Variants in UTRN observed in about 807,000 individuals in gnomAD.
The protein encoded by UTRN is dystrophin-related protein 1.
A neutral mutation model predicts 463.9 loss-of-function variants in UTRN; 283 were observed. That is an observed-to-expected ratio of 0.61 (90% confidence interval 0.55 to 0.67). The LOEUF is 0.67. Ranked by LOEUF, UTRN falls within the 30% of genes least tolerant of loss-of-function variation. The pLI, the probability that UTRN is intolerant of heterozygous loss-of-function variation, is 0.00. For synonymous variants in UTRN, 1,442 were observed against 1,431.5 expected (o/e 1.01, Z -0.17); for missense variants, 3,922 against 4,084.3 (o/e 0.96, Z 1.08).
intron 23 of UTRN, among the ~76,000 whole-genome samples, chr6:144,467,030 G>A (rs1427711356): frequency 2.0e-5 from 3 of 152,146 alleles, no homozygotes; most frequent in Non-Finnish European, 4.4e-5. Flanking sequence ...CTTCTGAAAG[G>A]ATCTGGTTGT....
intron 3 of UTRN, among the ~76,000 whole-genome samples, chr6:144,412,734 G>A (rs1407218225): frequency 5.0e-5 from 7 of 139,722 alleles, no homozygotes; most frequent in South Asian, 4.6e-4. Flanking sequence ...GTGTGTGTGT[G>A]TGTATATATA....
At position 144,415,112 on chromosome 6, in the gene UTRN, G is replaced by A. The variant is rs147729626; in HGVS notation, c.142-6766G>A. On this transcript the variant is annotated intron_variant, in intron 3 of 74. Transcript: ENST00000367545. ...GTTGCCTGCATTATTCAGTACAGTAGCATGCTCTATAGGTTTGTAGCCTAG... is the reference window on the plus strand; with the variant it reads ...GTTGCCTGCATTATTCAGTACAGTAACATGCTCTATAGGTTTGTAGCCTAG... Among the ~76,000 whole-genome samples the A allele has an allele frequency of 6.4e-4, 98 of 152,290 alleles. No homozygotes were observed. The East Asian group carries it at 0.016, about 25-fold the overall frequency.
chr6:144,639,810 A>G (rs1777584362), intron 51 of UTRN, among the ~76,000 whole-genome samples: 1 of 152,012 alleles, frequency 6.6e-6, no homozygotes, highest in African/African-American at 2.4e-5. Flanking sequence ...GAGTTTCTAT[A>G]TGGAAGAGGG....
intron 66 of UTRN, among the ~76,000 whole-genome samples, chr6:144,821,693 A>C (rs1779619928): frequency 6.6e-6 from 1 of 152,010 alleles, no homozygotes; most frequent in African/African-American, 2.4e-5. Flanking sequence ...AAGTGAAAAG[A>C]AAAAAAATGT....
At position 144,447,271 on chromosome 6, in the gene UTRN, A is replaced by T. The variant is rs749868370; in HGVS notation, c.1675A>T (p.Asn559Tyr). The T allele has an allele frequency of 1.2e-6, 2 of 1,613,902 alleles. No homozygotes were observed. Among genetic ancestry groups the T allele is most frequent in the Admixed American group, 1.7e-5 (1 of 60,000 alleles). ...EEALNKVQTS[N>Y]FKDQKELSVS... ...GGCTTTAAATAAAGTCCAGACAAGC[A>T]ACTTCAAAGACCAAAAGGAACTAAG... Residue 559 changes from asparagine (N) to tyrosine (Y), a missense_variant, in exon 15 of 75, where the codon AAC (asparagine) becomes TAC (tyrosine). By Grantham distance (143) the Asn-to-Tyr change is moderately radical. Transcript: ENST00000367545.
Position 144,462,758 on chromosome 6 carries a change from T to C in UTRN, c.2958T>C (p.Tyr986=), listed in dbSNP as rs905136744. ...TTCATCCTGATGTAGAAAAATTATA[T>C]AAGCAAGAATTTGATGATGTGCAAG... ...KNVHPDVEKL[Y]KQEFDDVQGK... is the part of the protein sequence containing the mutation. The change falls in exon 23 of 75, where the codon TAT becomes TAC. Residue 986 remains tyrosine, a synonymous_variant. Coordinates refer to ENST00000367545, the MANE Select transcript of UTRN (RefSeq NM_007124.3). 3.1e-6 allele frequency: 5 copies of C among 1,612,038 alleles called. No homozygotes were observed. The highest frequency in any genetic ancestry group is 4.2e-6 in the Non-Finnish European group (5 of 1,179,568).
intron 52 of UTRN, among the ~76,000 whole-genome samples, chr6:144,681,097 T>G (rs531350207): frequency 6.6e-6 from 1 of 152,238 alleles, no homozygotes; most frequent in African/African-American, 2.4e-5. Context: ...GGAGACACTT[T>G]CGGCATCTAG....
At chr6:144,733,334 C>A (rs147440710) in intron 54 of UTRN, among the ~76,000 whole-genome samples, 11 of 152,022 alleles carry the variant, frequency 7.2e-5, no homozygotes, top group Admixed American at 2.0e-4. Context: ...CTGGCTAACA[C>A]GGTGAAACCC....
At chr6:144,462,604 G>A in intron 22 of UTRN, 50 bp from the exon 23 acceptor site, 1 of 1,512,222 alleles carries the variant, frequency 6.6e-7, no homozygotes, top group Non-Finnish European at 8.9e-7. Flanking sequence ...TACTATATCT[G>A]TGCAGACACA....
intron 60 of UTRN, among the ~76,000 whole-genome samples, chr6:144,779,855 G>A (rs17802881): frequency 6.6e-6 from 1 of 151,450 alleles, no homozygotes; most frequent in Non-Finnish European, 1.5e-5. Context: ...ACTTATTTTT[G>A]TTATTAGCTT....
At chr6:144,677,364 G>C (rs143161893) in intron 51 of UTRN, among the ~76,000 whole-genome samples, 2,246 of 152,252 alleles carry the variant, frequency 0.015, 45 homozygotes, top group African/African-American at 0.05. Context: ...AGAACATGCG[G>C]TGTTTGGTTT....
intron 41 of UTRN, among the ~76,000 whole-genome samples, chr6:144,529,990 G>A (rs1414741771): frequency 3.9e-5 from 6 of 152,110 alleles, no homozygotes; most frequent in Non-Finnish European, 8.8e-5. Flanking sequence ...AAAGAGTTTG[G>A]TTTAAACAGA....
chr6:144,813,350 A>G (rs1038822368), intron 65 of UTRN, among the ~76,000 whole-genome samples: 2 of 151,790 alleles, frequency 1.3e-5, no homozygotes, highest in Non-Finnish European at 2.9e-5. Flanking sequence ...CACCACGCCC[A>G]GCTAATTTTT....
intron 2 of UTRN, among the ~76,000 whole-genome samples, chr6:144,386,152 G>A (rs747641019): frequency 2.5e-4 from 38 of 152,232 alleles, no homozygotes; most frequent in Non-Finnish European, 4.7e-4. Context: ...ACCTGAATGA[G>A]CTTTTTAATT....
At chr6:144,292,365 A>G (rs965050830) in intron 2 of UTRN, among the ~76,000 whole-genome samples, 12 of 152,188 alleles carry the variant, frequency 7.9e-5, no homozygotes, top group Admixed American at 6.5e-4. Flanking sequence ...ACCTTGAAAT[A>G]TCTTATGAGC....
At chr6:144,447,576 C>A in intron 15 of UTRN, 26 bp from the exon 16 acceptor site, 1 of 1,607,308 alleles carries the variant, frequency 6.2e-7, no homozygotes, top group South Asian at 1.1e-5. Flanking sequence ...TAAAAAGAGT[C>A]ATCTAATAAA....
intron 51 of UTRN, among the ~76,000 whole-genome samples, chr6:144,660,546 A>G (rs775466873): frequency 3.3e-4 from 50 of 152,206 alleles, no homozygotes; most frequent in South Asian, 8.3e-4. Context: ...TCAGCTGGTA[A>G]TTTAACTGAA....
intron 2 of UTRN, among the ~76,000 whole-genome samples, chr6:144,379,612 C>G (rs1338812464): frequency 6.6e-6 from 1 of 152,210 alleles, no homozygotes; most frequent in Non-Finnish European, 1.5e-5. Context: ...AAAAGTCCGA[C>G]TCATCACTTC....
intron 50 of UTRN, among the ~76,000 whole-genome samples, chr6:144,573,501 C>A (rs547116949): frequency 6.6e-6 from 1 of 152,084 alleles, no homozygotes; most frequent in South Asian, 2.1e-4. Context: ...TGAGACCAGC[C>A]TAGTCAACAT....
Sources: allele counts gnomAD v4.1 joint callset (sites outside exome capture counted in the v4.1 genomes callset), GRCh38; gene constraint gnomAD v4.1.1; transcripts MANE v1.5; gene names NCBI Gene and HGNC (gene_info 2026-07-23, HGNC 2026-07-21).